Variants in PTPRM observed in about 807,000 individuals in gnomAD.
PTPRM encodes protein tyrosine phosphatase receptor type M.
Under a neutral mutation model 186.7 loss-of-function variants are expected in PTPRM, and 47 were observed. The observed-to-expected ratio is 0.25, with a 90% confidence interval of 0.20 to 0.32. PTPRM has a LOEUF of 0.32. PTPRM is among the 10% of genes least tolerant of loss of function. The pLI is 1.00. For synonymous variants in PTPRM, 668 were observed against 674.9 expected (o/e 0.99, Z 0.16); for missense variants, 1,494 against 1,865.0 (o/e 0.80, Z 3.66).
At chr18:8,116,386 C>A (rs879283203) in intron 13 of PTPRM, among the ~76,000 whole-genome samples, 1 of 152,170 alleles carries the variant, frequency 6.6e-6, no homozygotes, top group Non-Finnish European at 1.5e-5. Flanking sequence ...ACAGGTACTG[C>A]TATTCTTATT....
intron 2 of PTPRM, among the ~76,000 whole-genome samples, chr18:7,792,853 TG>T (rs1369818095): frequency 6.6e-6 from 1 of 152,038 alleles, no homozygotes; most frequent in African/African-American, 2.4e-5. Context: ...TTTGTAGAGA[TG>T]GGGTCTTTCT....
At chr18:7,957,762 C>T (rs960546826) in intron 7 of PTPRM, among the ~76,000 whole-genome samples, 1 of 152,170 alleles carries the variant, frequency 6.6e-6, no homozygotes. Flanking sequence ...TCAGTAATCA[C>T]TGATTATGAT....
chr18:7,742,211 A>G (rs1392054793), intron 1 of PTPRM, among the ~76,000 whole-genome samples: 1 of 152,234 alleles, frequency 6.6e-6, no homozygotes, highest in East Asian at 1.9e-4. Context: ...ATATACAGTT[A>G]AAGTCAAATT....
intron 9 of PTPRM, among the ~76,000 whole-genome samples, chr18:8,077,139 G>GTATAA (rs2089866416): frequency 6.6e-6 from 1 of 152,098 alleles, no homozygotes; most frequent in Admixed American, 6.6e-5. Flanking sequence ...AAAAGTAACA[G>GTATAA]CAATAACAGG....
chr18:7,805,419 A>T (rs1009504406), intron 2 of PTPRM, among the ~76,000 whole-genome samples: 2 of 152,140 alleles, frequency 1.3e-5, no homozygotes, highest in African/African-American at 4.8e-5. Flanking sequence ...CTCTTCAATA[A>T]CCTGCTGTGC....
At chr18:8,170,924 G>A (rs2093391086) in intron 14 of PTPRM, among the ~76,000 whole-genome samples, 1 of 152,126 alleles carries the variant, frequency 6.6e-6, no homozygotes, top group African/African-American at 2.4e-5. Flanking sequence ...ACTTACTTCT[G>A]CCACATAACT....
intron 2 of PTPRM, among the ~76,000 whole-genome samples, chr18:7,812,075 C>T (rs552091827): frequency 5.3e-5 from 8 of 152,076 alleles, no homozygotes; most frequent in Non-Finnish European, 1.0e-4. Flanking sequence ...AATTAAATCC[C>T]CTTAAATGAA....
At chr18:8,276,450 A>T (rs2094836464) in intron 19 of PTPRM, among the ~76,000 whole-genome samples, 1 of 152,160 alleles carries the variant, frequency 6.6e-6, no homozygotes, top group African/African-American at 2.4e-5. Context: ...TGGTTTTGAA[A>T]ATGTTTAGTA....
At chr18:7,906,181 AACTCACTATCCT>A (rs1346843439) in intron 3 of PTPRM, among the ~76,000 whole-genome samples, 5 of 152,128 alleles carry the variant, frequency 3.3e-5, no homozygotes, top group African/African-American at 1.2e-4. Flanking sequence ...CGTCTGTGCC[AACTCACTATCCT>A]GTGAGCTTCC....
intron 3 of PTPRM, among the ~76,000 whole-genome samples, chr18:7,889,762 C>G (rs1043981287): frequency 6.6e-6 from 1 of 152,162 alleles, no homozygotes; most frequent in African/African-American, 2.4e-5. Context: ...CCTGTGGAGA[C>G]GAGCCAGTGA....
chr18:7,885,046 A>G (rs1377820359), intron 2 of PTPRM, among the ~76,000 whole-genome samples: 1 of 152,058 alleles, frequency 6.6e-6, no homozygotes, highest in East Asian at 1.9e-4. Flanking sequence ...GTGAACAAAA[A>G]CATTGACAAA....
At chr18:8,003,115 A>G (rs577641452) in intron 7 of PTPRM, among the ~76,000 whole-genome samples, 105 of 152,270 alleles carry the variant, frequency 6.9e-4, no homozygotes, top group African/African-American at 2.4e-3. Flanking sequence ...TCCCCACCCA[A>G]ATCTCACCTT....
intron 1 of PTPRM, among the ~76,000 whole-genome samples, chr18:7,736,627 G>T (rs1469659483): frequency 1.1e-4 from 16 of 152,206 alleles, no homozygotes; most frequent in Admixed American, 9.8e-4. Context: ...ACATGAAAGG[G>T]TCGTGATTGA....
chr18:8,399,219 C>T (rs147148261), intron 32 of PTPRM, among the ~76,000 whole-genome samples: 105 of 152,278 alleles, frequency 6.9e-4, no homozygotes, highest in African/African-American at 2.5e-3. Flanking sequence ...AACTTCCTTC[C>T]ATCATACGGT....
intron 1 of PTPRM, among the ~76,000 whole-genome samples, chr18:7,721,308 TTTA>T (rs1450004865): frequency 3.3e-5 from 5 of 152,066 alleles, no homozygotes; most frequent in African/African-American, 1.2e-4. Context: ...CTTTGGCTAT[TTTA>T]TAATTGGATT....
intron 1 of PTPRM, among the ~76,000 whole-genome samples, chr18:7,677,881 T>TA (rs1179849690): frequency 6.6e-6 from 1 of 152,154 alleles, no homozygotes; most frequent in Non-Finnish European, 1.5e-5. Flanking sequence ...GTGTGGGACT[T>TA]ATCACCTATC....
chr18:7,836,490 A>G (rs777215696), intron 2 of PTPRM, among the ~76,000 whole-genome samples: 4 of 152,184 alleles, frequency 2.6e-5, no homozygotes, highest in African/African-American at 9.6e-5. Context: ...TCTAATTAAC[A>G]TAAGTTCATT....
intron 22 of PTPRM, among the ~76,000 whole-genome samples, chr18:8,337,431 T>C (rs2095446260): frequency 6.6e-6 from 1 of 152,214 alleles, no homozygotes; most frequent in Admixed American, 6.5e-5. Context: ...ACCATGTATG[T>C]ATTACTCACC....
intron 11 of PTPRM, among the ~76,000 whole-genome samples, chr18:8,107,566 A>C (rs1196046330): frequency 1.3e-5 from 2 of 152,244 alleles, no homozygotes; most frequent in Non-Finnish European, 2.9e-5. Flanking sequence ...ACACACCCAC[A>C]GAGCAATAGT....
Sources: gnomAD v4.1 joint callset for allele counts (sites outside exome capture counted in the v4.1 genomes callset) on GRCh38, gnomAD v4.1.1 for gene constraint, MANE v1.5 for transcripts, NCBI Gene and HGNC (gene_info 2026-07-23, HGNC 2026-07-21) for gene names.